Variants in ANKS3 observed in about 807,000 individuals in gnomAD.
ANKS3 encodes ankyrin repeat and sterile alpha motif domain containing 3.
ANKS3 carries 62 observed loss-of-function variants against 80.7 expected under a neutral mutation model. The observed-to-expected ratio is 0.77, with a 90% CI of 0.63 to 0.95. The LOEUF (loss-of-function observed/expected upper bound fraction) is 0.95. Ranked by LOEUF, ANKS3 falls within the 40% of genes least tolerant of loss-of-function variation. The pLI, the probability that ANKS3 is intolerant of heterozygous loss-of-function variation, is 0.00. For synonymous variants in ANKS3, 489 were observed against 355.3 expected, an observed-to-expected ratio of 1.38 and a Z score of -4.23; for missense variants, 1,150 against 883.6, an observed-to-expected ratio of 1.30 and a Z score of -3.82.
intron 2 of ANKS3, among the ~76,000 whole-genome samples, chr16:4,730,938 G>C (rs2081583284): frequency 6.6e-6 from 1 of 151,974 alleles, no homozygotes; most frequent in South Asian, 2.1e-4. Context: ...GTCTAACGGG[G>C]ACATATCTAA....
At chr16:4,707,376 G>A (rs947468640) in intron 7 of ANKS3, among the ~76,000 whole-genome samples, 29 of 151,588 alleles carry the variant, frequency 1.9e-4, no homozygotes, top group Admixed American at 6.6e-4. Context: ...CCGCCTCCCG[G>A]GTTCAAGTGA....
At chr16:4,714,565 C>T (rs1362926847) in intron 6 of ANKS3, among the ~76,000 whole-genome samples, 1 of 152,232 alleles carries the variant, frequency 6.6e-6, no homozygotes, top group Non-Finnish European at 1.5e-5. Context: ...AATGAAAGCA[C>T]CATCCTCTGA....
chr16:4,708,653 G>A (rs1005408646), intron 7 of ANKS3, among the ~76,000 whole-genome samples: 3 of 152,158 alleles, frequency 2.0e-5, no homozygotes, highest in Non-Finnish European at 4.4e-5. Context: ...AAAAGGAAGA[G>A]GCTGCGCACG....
In ANKS3 at chr16:4,725,242, T is replaced by G. The variant is rs151186863; in HGVS notation, c.492-411A>C. On this transcript the variant is annotated intron_variant, in intron 5 of 17. Coordinates refer to ENST00000304283, the MANE Select transcript of ANKS3 (RefSeq NM_133450.4). ...AACCCACTCTGAAAAGTTCAAGTAC[T>G]AATGATCTAAGCTATCTTTGCCACG... 2.6e-3 allele frequency: 410 copies of G among 158,970 alleles called. 4 individuals are homozygous for G. The highest frequency in any genetic ancestry group is 9.5e-3 in the African/African-American group (396 of 41,746). 9.8% of individuals were successfully genotyped at this position (158,970 alleles called of 1,614,324 possible).
chr16:4,699,339 G>T, intron 11 of ANKS3, 163 bp from the exon 12 acceptor site: 1 of 909,586 alleles, frequency 1.1e-6, no homozygotes. Flanking sequence ...CTCAGGCAGG[G>T]CAGGATGTTG....
intron 16 of ANKS3, 21 bp from the exon 17 acceptor site, chr16:4,697,125 G>C (rs1397169841): frequency 1.9e-6 from 3 of 1,610,544 alleles, no homozygotes; most frequent in Non-Finnish European, 2.5e-6. Flanking sequence ...ATGACCTTGA[G>C]CCTCTCCCGG....
intron 16 of ANKS3, 30 bp downstream of exon 16, chr16:4,697,301 AGC>A: frequency 1.3e-6 from 2 of 1,577,608 alleles, no homozygotes; most frequent in Non-Finnish European, 1.7e-6. Context: ...AAACAAAAGG[AGC>A]GCTCAGTCGT....
At chr16:4,719,640 CA>C (rs1243469672) in intron 6 of ANKS3, among the ~76,000 whole-genome samples, 8 of 139,612 alleles carry the variant, frequency 5.7e-5, no homozygotes, top group Admixed American at 1.4e-4. Context: ...TTTGTCTCTA[CA>C]AAAAAAAAAC....
chr16:4,727,326 CA>C, intron 3 of ANKS3, 149 bp from the exon 4 acceptor site: 1 of 771,514 alleles, frequency 1.3e-6, no homozygotes, highest in Non-Finnish European at 2.1e-6. Flanking sequence ...TGGAGGCAGG[CA>C]GGCAGAAAAA....
chr16:4,704,343 C>T (rs1041397194), intron 8 of ANKS3, among the ~76,000 whole-genome samples: 3 of 152,188 alleles, frequency 2.0e-5, no homozygotes, highest in African/African-American at 7.2e-5. Flanking sequence ...GGCCTTGCTC[C>T]CGAGAAGGAC....
chr16:4,696,552 C>T lies in ANKS3; in HGVS notation c.*356G>A, dbSNP rs2079564276. 5.8e-6 allele frequency: 1 copy of T among 172,678 alleles called. No homozygotes were observed. Among genetic ancestry groups the T allele is most frequent in the South Asian group, 1.4e-4 (1 of 6,958 alleles). The allele number at this position is 172,678 out of a possible 1,614,324, so 10.7% of individuals were successfully genotyped here. ...TTATTTTCCAAAAAATGGCATTTTCCAGGTGCCCCAGTCCTCATTCCTAAG... is the reference window on the plus strand; with the variant it reads ...TTATTTTCCAAAAAATGGCATTTTCTAGGTGCCCCAGTCCTCATTCCTAAG... On this transcript the variant is annotated 3_prime_UTR_variant, in exon 18 of 18. Transcript: ENST00000304283.
chr16:4,724,634 TA>T, intron 6 of ANKS3, 115 bp downstream of exon 6: 1 of 1,001,756 alleles, frequency 1.0e-6, no homozygotes, highest in South Asian at 1.6e-5. Context: ...ATGTGTTGAA[TA>T]AATGAATGAA....
chr16:4,726,666 T>C lies in ANKS3; in HGVS notation c.484A>G (p.Asn162Asp). Residue 162 changes from asparagine (N) to aspartate (D), a missense_variant, in exon 5 of 18, where the codon AAC (asparagine) becomes GAC (aspartate). Asn to Asp is a conservative substitution (Grantham distance 23). Coordinates refer to ENST00000304283, the MANE Select transcript of ANKS3 (RefSeq NM_133450.4). ...RFLLDSGANA[N>D]VREPICGFTP... ...TAAAGATGTGGCAATCACCTCACGT[T>C]GGCATTGGCTCCACTGTCCAAGAGG... The C allele has an allele frequency of 6.2e-7, 1 of 1,613,722 alleles. No homozygotes were observed. The highest frequency in any genetic ancestry group is 2.2e-5 in the East Asian group (1 of 44,856).
chr16:4,706,152 G>A (rs1038397663), intron 7 of ANKS3, among the ~76,000 whole-genome samples: 1 of 151,644 alleles, frequency 6.6e-6, no homozygotes, highest in East Asian at 1.9e-4. Flanking sequence ...CCTCAGCCTC[G>A]CAAAGTGCTG....
chr16:4,709,529 G>A lies in ANKS3; in HGVS notation c.710-4276C>T, dbSNP rs765546076. ...TGTCTACACCCTCATGTTTACTGCC[G>A]CAGTATTCACAGTAGCCTAGATAGA... On this transcript the variant is annotated intron_variant, in intron 7 of 17. Coordinates refer to ENST00000304283, the MANE Select transcript of ANKS3 (RefSeq NM_133450.4). 9.9e-5 allele frequency among the ~76,000 whole-genome samples: 15 copies of A among 152,242 alleles called. No individual in the cohort carries two copies. In the East Asian group the frequency reaches 1.5e-3, roughly 16 times the overall value.
chr16:4,707,259 T>C (rs1427323503), intron 7 of ANKS3, among the ~76,000 whole-genome samples: 2 of 150,072 alleles, frequency 1.3e-5, no homozygotes, highest in Admixed American at 1.3e-4. Context: ...GCAAAACACA[T>C]TAAATATGAC....
chr16:4,696,861 C>A lies in ANKS3; in HGVS notation c.*47G>T. The A allele has an allele frequency of 4.2e-6, 3 of 708,824 alleles. No homozygotes were observed. The highest frequency in any genetic ancestry group is 7.2e-6 in the Non-Finnish European group (3 of 417,436). The allele number at this position is 708,824 out of a possible 1,614,324, so 43.9% of individuals were successfully genotyped here. A position where few individuals can be genotyped will look rare whatever the true frequency, so the allele number is the denominator to read the frequency against. The stretch of plus-strand genomic sequence containing the variant: ...ACTGTCCTCCTCACTCCCTGGCACA[C>A]AGCTTCAGGGTGGACCAATCACCCA... On this transcript the variant is annotated 3_prime_UTR_variant, in exon 18 of 18. Coordinates refer to ENST00000304283, the MANE Select transcript of ANKS3 (RefSeq NM_133450.4).
rs111658901 is a variant in ANKS3, at chr16:4,701,372, G to C, written c.1119+62C>G. On this transcript the variant is annotated intron_variant, in intron 10 of 17. Transcript: ENST00000304283. Reference sequence around the variant, plus strand: ...TACATGCTCATCTTAAAGTAACTGGGGGATGTCAGGCATCCCAGCCAGGGA... The same window carrying C: ...TACATGCTCATCTTAAAGTAACTGGCGGATGTCAGGCATCCCAGCCAGGGA... 2.9e-3 allele frequency: 4,207 copies of C among 1,466,506 alleles called. 11 individuals carry two copies. The highest frequency in any genetic ancestry group is 3.6e-3 in the Non-Finnish European group (3,904 of 1,082,306). 90.8% of individuals were successfully genotyped at this position (1,466,506 alleles called of 1,614,324 possible). A position where few individuals can be genotyped will look rare whatever the true frequency, so the allele number is the denominator to read the frequency against.
At chr16:4,714,533 A>G (rs2080676544) in intron 6 of ANKS3, among the ~76,000 whole-genome samples, 1 of 152,262 alleles carries the variant, frequency 6.6e-6, no homozygotes, top group African/African-American at 2.4e-5. Flanking sequence ...CTTCAAAGAA[A>G]GCAGCCTTTT....
Sources: allele counts gnomAD v4.1 joint callset (sites outside exome capture counted in the v4.1 genomes callset), GRCh38; gene constraint gnomAD v4.1.1; transcripts MANE v1.5; gene names NCBI Gene and HGNC (gene_info 2026-07-23, HGNC 2026-07-21).